NR2F1-AS1: variants seen among roughly 807,000 people sequenced by gnomAD.
The protein encoded by NR2F1-AS1 is NR2F1 antisense RNA 1.
At chr5:93,513,863 T>C (rs2149892126) in intron 4 of NR2F1-AS1, among the ~76,000 whole-genome samples, 1 of 152,232 alleles carries the variant, frequency 6.6e-6, no homozygotes, top group African/African-American at 2.4e-5. Flanking sequence ...CCAACATTAA[T>C]AAGGCAATAT....
At chr5:93,428,620 G>A (rs956290079) in intron 4 of NR2F1-AS1, among the ~76,000 whole-genome samples, 2 of 152,086 alleles carry the variant, frequency 1.3e-5, no homozygotes, top group African/African-American at 2.4e-5. Flanking sequence ...GAGTTAAATA[G>A]TTTATTCTGA....
chr5:93,450,032 G>A (rs1452261167), intron 4 of NR2F1-AS1, among the ~76,000 whole-genome samples: 3 of 152,110 alleles, frequency 2.0e-5, no homozygotes, highest in Non-Finnish European at 4.4e-5. Context: ...AGATTTTAGT[G>A]GCCTCAAAGA....
At chr5:93,430,184 G>A (rs1160118731) in intron 4 of NR2F1-AS1, among the ~76,000 whole-genome samples, 2 of 152,190 alleles carry the variant, frequency 1.3e-5, no homozygotes, top group African/African-American at 4.8e-5. Context: ...TTCATTAGTC[G>A]ATTCTGCAGC....
At chr5:93,505,028 C>G (rs1005830523) in intron 4 of NR2F1-AS1, among the ~76,000 whole-genome samples, 2 of 152,132 alleles carry the variant, frequency 1.3e-5, no homozygotes, top group Admixed American at 6.5e-5. Flanking sequence ...CGCCTATAAG[C>G]CTGTAAAATC....
intron 4 of NR2F1-AS1, among the ~76,000 whole-genome samples, chr5:93,535,475 A>C (rs1344521407): frequency 1.3e-5 from 2 of 152,052 alleles, no homozygotes; most frequent in African/African-American, 4.8e-5. Context: ...ACTTTAAAAC[A>C]GTGTTAACAT....
intron 4 of NR2F1-AS1, among the ~76,000 whole-genome samples, chr5:93,547,453 A>G (rs1752115213): frequency 6.6e-6 from 1 of 152,198 alleles, no homozygotes; most frequent in South Asian, 2.1e-4. Context: ...TAATGTATAC[A>G]TTTCTCAGAA....
At chr5:93,486,140 C>T (rs1244646157) in intron 4 of NR2F1-AS1, among the ~76,000 whole-genome samples, 13 of 134,256 alleles carry the variant, frequency 9.7e-5, no homozygotes, top group Admixed American at 3.0e-4. Context: ...GGAGGGATAG[C>T]ACTGGGAGAT....
chr5:93,581,662 GTCTCGGTCTCTCTCTCTCTCTCTCTC>G (rs1753038317), upstream of NR2F1-AS1, among the ~76,000 whole-genome samples: 1 of 91,804 alleles, frequency 1.1e-5, no homozygotes, highest in Non-Finnish European at 2.2e-5. Flanking sequence ...AGGAATCGGG[GTCTCGGTCTCTCTCTCTCTCTCTCTC>G]TCTCTCTCTC....
chr5:93,484,068 A>T (rs758086261), intron 4 of NR2F1-AS1, among the ~76,000 whole-genome samples: 3 of 152,206 alleles, frequency 2.0e-5, no homozygotes, highest in Non-Finnish European at 4.4e-5. Flanking sequence ...CTAGCAAGAC[A>T]GGCCAACATT....
intron 4 of NR2F1-AS1, among the ~76,000 whole-genome samples, chr5:93,535,424 G>A (rs1209506576): frequency 6.6e-6 from 1 of 151,434 alleles, no homozygotes; most frequent in Admixed American, 6.6e-5. Flanking sequence ...TACAATAAAC[G>A]GAAAAATTTT....
intron 4 of NR2F1-AS1, among the ~76,000 whole-genome samples, chr5:93,528,169 G>T (rs557503762): frequency 4.2e-4 from 64 of 151,782 alleles, no homozygotes; most frequent in Non-Finnish European, 6.3e-4. Flanking sequence ...AAACAAACAA[G>T]CCCATTAAAA....
At chr5:93,510,574 T>C (rs999276895) in intron 4 of NR2F1-AS1, among the ~76,000 whole-genome samples, 1 of 152,142 alleles carries the variant, frequency 6.6e-6, no homozygotes, top group Non-Finnish European at 1.5e-5. Flanking sequence ...TTTTAATGGG[T>C]CTTATAATCA....
intron 1 of NR2F1-AS1, among the ~76,000 whole-genome samples, chr5:93,565,498 T>C (rs1486256413): frequency 6.6e-6 from 1 of 152,040 alleles, no homozygotes; most frequent in Non-Finnish European, 1.5e-5. Flanking sequence ...AACTGCCAAA[T>C]TTAGGATAAT....
At chr5:93,571,551 C>T (rs1752768955) in intron 1 of NR2F1-AS1, among the ~76,000 whole-genome samples, 1 of 151,620 alleles carries the variant, frequency 6.6e-6, no homozygotes, top group African/African-American at 2.4e-5. Flanking sequence ...TCCTTGATTC[C>T]GAAGTTTCCC....
At chr5:93,537,151 T>C (rs553373917) in intron 4 of NR2F1-AS1, among the ~76,000 whole-genome samples, 8 of 152,174 alleles carry the variant, frequency 5.3e-5, no homozygotes, top group Non-Finnish European at 1.0e-4. Context: ...TGTACAAAAA[T>C]CAGCTCAAAA....
chr5:93,417,242 G>A (rs903860985), intron 4 of NR2F1-AS1, among the ~76,000 whole-genome samples: 1 of 152,164 alleles, frequency 6.6e-6, no homozygotes, highest in Non-Finnish European at 1.5e-5. Context: ...TTTAACCCAG[G>A]CCTTGACCTC....
intron 4 of NR2F1-AS1, among the ~76,000 whole-genome samples, chr5:93,447,403 C>T (rs1403766352): frequency 6.6e-6 from 1 of 152,156 alleles, no homozygotes; most frequent in African/African-American, 2.4e-5. Flanking sequence ...AAGATAGGAA[C>T]AGACACTTCT....
intron 4 of NR2F1-AS1, among the ~76,000 whole-genome samples, chr5:93,433,019 T>C (rs1479142698): frequency 2.6e-5 from 4 of 152,226 alleles, no homozygotes; most frequent in African/African-American, 9.6e-5. Context: ...TTCATTTTGA[T>C]ATATGCATTA....
At position 93,557,943 on chromosome 5, in the gene NR2F1-AS1, A is replaced by G. The variant is rs1752398591; in HGVS notation, n.414-2948T>C. Among the ~76,000 whole-genome samples, 3 of 152,210 alleles carry G rather than the reference A, an allele frequency of 2.0e-5. No homozygotes were observed. In the South Asian group the frequency reaches 6.2e-4, roughly 31 times the overall value. On this transcript the variant is annotated intron_variant and non_coding_transcript_variant, in intron 2 of 5. Transcript: ENST00000660523. Reference sequence around the variant, plus strand: ...GTTCACAGCATCTTTACCAGGGTACATTCCATCTCAAGAAACCACTTTTTT... The same window carrying G: ...GTTCACAGCATCTTTACCAGGGTACGTTCCATCTCAAGAAACCACTTTTTT...
Sources: allele counts gnomAD v4.1 joint callset (sites outside exome capture counted in the v4.1 genomes callset), GRCh38; gene constraint gnomAD v4.1.1; transcripts MANE v1.5; gene names NCBI Gene and HGNC (gene_info 2026-07-23, HGNC 2026-07-21).